IDO2: variants seen among roughly 807,000 people sequenced by gnomAD.
IDO2 encodes indoleamine 2,3-dioxygenase 2.
Under a neutral mutation model 45.1 loss-of-function variants are expected in IDO2, and 46 were observed. The ratio of observed to expected loss-of-function variants is 1.02; its 90% CI spans 0.80 to 1.30. The LOEUF is 1.30. Among genes scored for constraint, IDO2 ranks in the 50% most tolerant of loss-of-function variants. The pLI, the probability that IDO2 is intolerant of heterozygous loss-of-function variation, is 0.00. For missense variants in IDO2, 544 were observed against 491.8 expected (o/e 1.11, Z -1.00); for synonymous variants, 218 against 184.9 (o/e 1.18, Z -1.45).
chr8:39,976,740 A>G (rs1808265213), intron 3 of IDO2, among the ~76,000 whole-genome samples: 1 of 152,208 alleles, frequency 6.6e-6, no homozygotes, highest in Non-Finnish European at 1.5e-5. Flanking sequence ...CTGAGGCCAG[A>G]GACTGTCAAA....
intron 3 of IDO2, among the ~76,000 whole-genome samples, chr8:39,973,715 A>G (rs1808214947): frequency 6.7e-6 from 1 of 148,908 alleles, no homozygotes; most frequent in Non-Finnish European, 1.5e-5. Flanking sequence ...TAAAACGAAA[A>G]TCATGGGTTT....
At chr8:39,957,073 A>G (rs1426317829) in intron 2 of IDO2, among the ~76,000 whole-genome samples, 2 of 150,888 alleles carry the variant, frequency 1.3e-5, no homozygotes, top group Non-Finnish European at 3.0e-5. Context: ...AAAGAGATCA[A>G]TAAATAAAAT....
intron 6 of IDO2, chr8:39,987,158 C>T (rs1370165976): frequency 1.3e-5 from 2 of 152,172 alleles, no homozygotes; most frequent in African/African-American, 4.8e-5. Context: ...CCAGTTCTCA[C>T]AAGATCTGAT....
chr8:39,986,167 CTA>C (rs1808419497), intron 6 of IDO2: 1 of 152,240 alleles, frequency 6.6e-6, no homozygotes, highest in African/African-American at 2.4e-5. Context: ...TCTCATCTCA[CTA>C]TATCTTCTAT....
At chr8:39,935,813 T>C (rs1348055826) in intron 1 of IDO2, among the ~76,000 whole-genome samples, 3 of 152,206 alleles carry the variant, frequency 2.0e-5, no homozygotes, top group South Asian at 2.1e-4. Flanking sequence ...TAAAGTAGTA[T>C]TGGCAGATTA....
At chr8:39,943,953 C>G (rs1223328430) in intron 1 of IDO2, among the ~76,000 whole-genome samples, 2 of 152,022 alleles carry the variant, frequency 1.3e-5, no homozygotes, top group Non-Finnish European at 2.9e-5. Context: ...TCCTGTTGTC[C>G]TGGCACAGAA....
intron 2 of IDO2, among the ~76,000 whole-genome samples, chr8:39,952,730 A>C (rs932907863): frequency 1.3e-5 from 2 of 152,052 alleles, no homozygotes; most frequent in Non-Finnish European, 2.9e-5. Context: ...GCAGGAGACA[A>C]GAGTGAAGAG....
intron 2 of IDO2, among the ~76,000 whole-genome samples, chr8:39,950,755 T>A (rs1181333854): frequency 6.6e-6 from 1 of 152,064 alleles, no homozygotes; most frequent in East Asian, 1.9e-4. Flanking sequence ...TTTAATTGGA[T>A]AAGGGAACAG....
intron 3 of IDO2, among the ~76,000 whole-genome samples, chr8:39,967,004 A>G (rs537647208): frequency 6.4e-4 from 97 of 152,314 alleles, no homozygotes; most frequent in African/African-American, 2.3e-3. Flanking sequence ...TATAAAAAGA[A>G]CTATTAGAAA....
chr8:39,949,199 G>A lies in IDO2; in HGVS notation c.34G>A (p.Val12Met), dbSNP rs558375592. Reference sequence around the variant, plus strand: ...CCACAGACCGAATGTGAAGACAGCAGTGCCATTGTCTTTGGAAAGCTATCA... The same window carrying A: ...CCACAGACCGAATGTGAAGACAGCAATGCCATTGTCTTTGGAAAGCTATCA... Residue 12 changes from valine to methionine, a missense_variant, in exon 2 of 11, where the codon GTG (valine) becomes ATG (methionine). Transcript: ENST00000502986. 2.5e-6 allele frequency: 4 copies of A among 1,608,746 alleles called. No individual in the cohort carries two copies. In the South Asian group the frequency reaches 4.5e-5, roughly 18 times the overall value.
At chr8:39,995,194 TCTTCTTCTCCTTCTC>T (rs1351751119) in intron 8 of IDO2, 4 of 74,068 alleles carry the variant, frequency 5.4e-5, no homozygotes, top group African/African-American at 1.2e-4. Context: ...TTCTTCTTCT[TCTTCTTCTCCTTCTC>T]CTTCTCCTTC....
chr8:40,011,874 T>C (rs147200436), intron 9 of IDO2, among the ~76,000 whole-genome samples: 87 of 152,324 alleles, frequency 5.7e-4, no homozygotes, highest in African/African-American at 2.1e-3. Context: ...TTGCTCCTAA[T>C]AGCTGCAGCC....
intron 2 of IDO2, among the ~76,000 whole-genome samples, chr8:39,952,903 G>A (rs914238753): frequency 1.3e-5 from 2 of 151,988 alleles, no homozygotes; most frequent in African/African-American, 4.8e-5. Flanking sequence ...TGAGTAGCTG[G>A]GATTACAGGC....
chr8:39,984,053 T>TA lies in IDO2; in HGVS notation c.434+1285dup, dbSNP rs1554547644. ...TGGGTAAGAATTTGGATGAAAAAAA[T>TA]AATATATGTGCGTAATTTATTCTGT... On this transcript the variant is annotated intron_variant, in intron 5 of 10. Transcript: ENST00000502986. 2.2e-4 allele frequency among the ~76,000 whole-genome samples: 34 copies of TA among 151,856 alleles called. No homozygotes were observed. The South Asian group carries it at 5.8e-3, about 26-fold the overall frequency.
At chr8:39,946,676 A>C (rs1420270218) in intron 1 of IDO2, among the ~76,000 whole-genome samples, 1 of 152,146 alleles carries the variant, frequency 6.6e-6, no homozygotes, top group African/African-American at 2.4e-5. Flanking sequence ...TTTGAATCAT[A>C]ATAAAACTCC....
intron 1 of IDO2, among the ~76,000 whole-genome samples, chr8:39,939,683 C>T (rs1041959703): frequency 3.9e-5 from 5 of 129,068 alleles, no homozygotes; most frequent in Non-Finnish European, 8.2e-5. Flanking sequence ...GAAAATGTCA[C>T]GAAAATAAAA....
At chr8:39,977,426 C>T (rs1808275296) in intron 3 of IDO2, among the ~76,000 whole-genome samples, 2 of 152,238 alleles carry the variant, frequency 1.3e-5, no homozygotes, top group South Asian at 4.1e-4. Context: ...GTAAGCCTAG[C>T]ACTTTGGGAG....
At chr8:39,944,017 TAA>T (rs1807693754) in intron 1 of IDO2, among the ~76,000 whole-genome samples, 1 of 152,126 alleles carries the variant, frequency 6.6e-6, no homozygotes, top group Non-Finnish European at 1.5e-5. Flanking sequence ...TAAGGAACCA[TAA>T]ATCAAACAAC....
At chr8:39,978,546 G>A (rs1363533881) in intron 3 of IDO2, among the ~76,000 whole-genome samples, 1 of 152,136 alleles carries the variant, frequency 6.6e-6, no homozygotes, top group Non-Finnish European at 1.5e-5. Flanking sequence ...CATGGAGGGC[G>A]GGGGTGGAGG....
Sources: gnomAD v4.1 joint callset for allele counts (sites outside exome capture counted in the v4.1 genomes callset) on GRCh38, gnomAD v4.1.1 for gene constraint, MANE v1.5 for transcripts, NCBI Gene and HGNC (gene_info 2026-07-23, HGNC 2026-07-21) for gene names.